CWF19L2: variants seen among roughly 807,000 people sequenced by gnomAD.
CWF19L2 encodes CWF19 like cell cycle control factor 2, also known as CWF19-like protein 2.
In CWF19L2, 98 loss-of-function variants were observed where a neutral mutation model predicts 111.7. That is an observed-to-expected ratio of 0.88 (90% CI 0.75 to 1.04). CWF19L2 has a LOEUF of 1.04. Ranked by LOEUF, CWF19L2 falls within the 50% of genes least tolerant of loss-of-function variation. The pLI, the probability that CWF19L2 is intolerant of heterozygous loss-of-function variation, is 0.00. For synonymous variants in CWF19L2, 351 were observed against 342.9 expected, an observed-to-expected ratio of 1.02 and a Z score of -0.26; for missense variants, 1,101 against 1,051.4, an observed-to-expected ratio of 1.05 and a Z score of -0.65.
intron 10 of CWF19L2, among the ~76,000 whole-genome samples, chr11:107,405,796 T>C (rs1179224809): frequency 1.4e-5 from 2 of 144,594 alleles, no homozygotes; most frequent in East Asian, 4.0e-4. Context: ...TTTAACAAGA[T>C]GTTGGAAGTA....
chr11:107,385,859 C>G (rs939072404), intron 12 of CWF19L2, among the ~76,000 whole-genome samples: 1 of 152,198 alleles, frequency 6.6e-6, no homozygotes, highest in Non-Finnish European at 1.5e-5. Flanking sequence ...TCAGTTATGA[C>G]TGACTGTTGC....
chr11:107,454,877 G>T (rs1861831767), intron 2 of CWF19L2, among the ~76,000 whole-genome samples: 1 of 152,030 alleles, frequency 6.6e-6, no homozygotes, highest in Non-Finnish European at 1.5e-5. Context: ...ACACAAACAT[G>T]TATACATGCA....
At chr11:107,447,928 G>C (rs1315447912) in intron 3 of CWF19L2, among the ~76,000 whole-genome samples, 1 of 152,042 alleles carries the variant, frequency 6.6e-6, no homozygotes, top group Non-Finnish European at 1.5e-5. Flanking sequence ...TAAAGATAAT[G>C]AGGAGATAAA....
Position 107,368,896 on chromosome 11 carries a change from T to A in CWF19L2, c.1873-15160A>T, listed in dbSNP as rs761945086. On this transcript the variant is annotated intron_variant, in intron 12 of 17. Coordinates refer to ENST00000282251, the MANE Select transcript of CWF19L2 (RefSeq NM_152434.3). ...TGGTGCTTCAAAATGCCAGGTGCAT[T>A]CAAAATCAGAAATGTAAAAGGAGAC... Among the ~76,000 whole-genome samples the A allele has an allele frequency of 3.6e-5, 5 of 137,166 alleles. 1 individual carries two copies. The highest frequency in any genetic ancestry group is 8.7e-5 in the African/African-American group (3 of 34,346). The allele number at this position is 137,166 out of a possible 152,430, so 90.0% of individuals were successfully genotyped here. A position where few individuals can be genotyped will look rare whatever the true frequency, so the allele number is the denominator to read the frequency against.
At chr11:107,407,976 T>C (rs1398072653) in intron 10 of CWF19L2, among the ~76,000 whole-genome samples, 2 of 151,970 alleles carry the variant, frequency 1.3e-5, no homozygotes, top group Admixed American at 1.3e-4. Flanking sequence ...ATGCTAAAGA[T>C]TATTTTTCTG....
chr11:107,422,595 C>T (rs1861317580), intron 8 of CWF19L2, among the ~76,000 whole-genome samples: 1 of 151,848 alleles, frequency 6.6e-6, no homozygotes, highest in South Asian at 2.1e-4. Context: ...GTTTTTTTAA[C>T]CCTCAAAGGG....
chr11:107,346,470 G>A (rs1450085061), intron 14 of CWF19L2, among the ~76,000 whole-genome samples: 9 of 152,178 alleles, frequency 5.9e-5, no homozygotes, highest in Admixed American at 4.6e-4. Context: ...ATACCTTGGG[G>A]AGGAGAAAGA....
Position 107,336,624 on chromosome 11 carries a change from A to G in CWF19L2, c.2292T>C (p.Tyr764=), listed in dbSNP as rs1859928431. The G allele has an allele frequency of 2.5e-6, 4 of 1,606,636 alleles. No homozygotes were observed. The South Asian group carries it at 3.3e-5, about 13-fold the overall frequency. Residue 764 remains tyrosine (Y), a synonymous_variant, in exon 15 of 18, where the codon TAT becomes TAC. Transcript: ENST00000282251. ...GAGGAATACATTCATAAACCATGTG[A>G]TACTGTTTCTTCATGCTCATATTAG... ...LETNMSMKKQ[Y]HMVYECIPLP...
At chr11:107,442,265 G>T (rs694139) in intron 4 of CWF19L2, among the ~76,000 whole-genome samples, 151,584 of 152,366 alleles carry the variant, frequency 0.99, 75,425 homozygotes, top group Middle Eastern at 1. Flanking sequence ...GCAAACAGCA[G>T]TACTGCCAAA....
chr11:107,441,670 C>G, intron 4 of CWF19L2, 48 bp from the exon 5 acceptor site: 1 of 1,455,206 alleles, frequency 6.9e-7, no homozygotes. Flanking sequence ...CTCATCATTT[C>G]AATCTGAACT....
At chr11:107,447,301 A>T (rs1157275956) in intron 3 of CWF19L2, among the ~76,000 whole-genome samples, 1 of 152,210 alleles carries the variant, frequency 6.6e-6, no homozygotes, top group Non-Finnish European at 1.5e-5. Context: ...GGGAAGTTAC[A>T]CAGAGAAAGG....
rs1165985013 is a variant in CWF19L2, at chr11:107,418,310, C to T, written c.1434-23G>A. On this transcript the variant is annotated intron_variant, in intron 8 of 17. Coordinates refer to ENST00000282251, the MANE Select transcript of CWF19L2 (RefSeq NM_152434.3). ...CTGCTATTGGAATAGGAAAGATTAA[C>T]AGCATATGAAATATAGGTGCGATGC... The T allele has an allele frequency of 2.7e-6, 4 of 1,486,680 alleles. 1 individual carries two copies. In the South Asian group the frequency reaches 3.4e-5, roughly 13 times the overall value. The allele number at this position is 1,486,680 out of a possible 1,614,324, so 92.1% of individuals were successfully genotyped here.
intron 14 of CWF19L2, among the ~76,000 whole-genome samples, chr11:107,340,915 C>T (rs1464252814): frequency 6.6e-5 from 10 of 152,004 alleles, no homozygotes; most frequent in Admixed American, 6.6e-4. Context: ...AGATTTGTAC[C>T]TTCGTCCATC....
chr11:107,450,704 C>CA (rs1861766095), intron 3 of CWF19L2, among the ~76,000 whole-genome samples: 1 of 151,668 alleles, frequency 6.6e-6, no homozygotes, highest in African/African-American at 2.4e-5. Context: ...TGAAAACACA[C>CA]AAAAAAAGAA....
chr11:107,447,127 C>T (rs1861711970), intron 3 of CWF19L2, among the ~76,000 whole-genome samples: 2 of 152,164 alleles, frequency 1.3e-5, no homozygotes, highest in South Asian at 4.1e-4. Flanking sequence ...ACTAGAAATA[C>T]ATACAAATTG....
At position 107,353,858 on chromosome 11, in the gene CWF19L2, G is replaced by GA. The variant is rs1263039141; in HGVS notation, c.1873-123dup. 1.3e-5 allele frequency: 9 copies of GA among 676,918 alleles called. No individual in the cohort carries two copies. In the East Asian group the frequency reaches 2.2e-4, roughly 16 times the overall value. 41.9% of individuals were successfully genotyped at this position (676,918 alleles called of 1,614,324 possible). On this transcript the variant is annotated intron_variant, in intron 12 of 17. Coordinates refer to ENST00000282251, the MANE Select transcript of CWF19L2 (RefSeq NM_152434.3). ...TAAAACTAATACATTTAAAAGAAAA[G>GA]AAAAAACATGATTAATATTTGTTTG...
intron 8 of CWF19L2, among the ~76,000 whole-genome samples, chr11:107,420,317 T>C (rs1387600107): frequency 2.6e-5 from 4 of 151,970 alleles, no homozygotes; most frequent in African/African-American, 7.2e-5. Context: ...CATAAAAGGA[T>C]AGAAAAAGAT....
chr11:107,336,424 C>T lies in CWF19L2; in HGVS notation c.2358+134G>A, dbSNP rs114478637. On this transcript the variant is annotated intron_variant, in intron 15 of 17. Coordinates refer to ENST00000282251, the MANE Select transcript of CWF19L2 (RefSeq NM_152434.3). ...GGCCTTCCAAGTGAGGCACTGTGCC[C>T]GGCCTATTTCATTTCTTTATATAAA... is the stretch of plus-strand genomic sequence containing the variant. 1.4e-3 allele frequency: 1,044 copies of T among 737,762 alleles called. 9 individuals carry two copies. The African/African-American group carries it at 0.017, about 12-fold the overall frequency. 45.7% of individuals were successfully genotyped at this position (737,762 alleles called of 1,614,324 possible).
At chr11:107,327,823 A>AAAC (rs369534458) in intron 17 of CWF19L2, among the ~76,000 whole-genome samples, 1 of 152,192 alleles carries the variant, frequency 6.6e-6, no homozygotes, top group Non-Finnish European at 1.5e-5. Context: ...ACAAAAAACA[A>AAAC]AACAACAACA....
Sources: allele counts gnomAD v4.1 joint callset (sites outside exome capture counted in the v4.1 genomes callset), GRCh38; gene constraint gnomAD v4.1.1; transcripts MANE v1.5; gene names NCBI Gene and HGNC (gene_info 2026-07-23, HGNC 2026-07-21).